FBXL13: variants seen among roughly 807,000 people sequenced by gnomAD.
FBXL13 encodes F-box and leucine rich repeat protein 13, also known as F-box and leucine-rich repeat protein 13.
A neutral mutation model predicts 83.6 loss-of-function variants in FBXL13; 67 were observed. That is an observed-to-expected ratio of 0.80 (90% CI 0.66 to 0.98). FBXL13 has a LOEUF of 0.98. Among genes scored for constraint, FBXL13 ranks in the 50% least tolerant of loss-of-function variants. The pLI is 0.00. For synonymous variants in FBXL13, 272 were observed against 299.5 expected (o/e 0.91, Z 0.95); for missense variants, 822 against 866.5 (o/e 0.95, Z 0.64).
At chr7:102,986,703 G>A (rs1268546464) in intron 6 of FBXL13, among the ~76,000 whole-genome samples, 2 of 152,116 alleles carry the variant, frequency 1.3e-5, no homozygotes, top group Non-Finnish European at 2.9e-5. Context: ...TTAAATGGGT[G>A]GGGACATGCA....
intron 8 of FBXL13, chr7:102,942,350 T>C (rs757365863): frequency 8.3e-6 from 13 of 1,560,942 alleles, no homozygotes; most frequent in Middle Eastern, 1.7e-4. Flanking sequence ...GTGGTAAGTA[T>C]ACAAATGCAG....
At chr7:102,976,526 G>C (rs1210638976) in intron 6 of FBXL13, among the ~76,000 whole-genome samples, 2 of 152,042 alleles carry the variant, frequency 1.3e-5, no homozygotes, top group Non-Finnish European at 2.9e-5. Flanking sequence ...CCCCTCTGGG[G>C]CTTCTTTCTT....
intron 6 of FBXL13, among the ~76,000 whole-genome samples, chr7:103,019,027 G>C (rs565705141): frequency 5.3e-5 from 8 of 151,232 alleles, no homozygotes; most frequent in Admixed American, 4.6e-4. Context: ...TACATTCTTC[G>C]CAGCACCACA....
At chr7:102,814,010 G>T (rs1364030115) in intron 19 of FBXL13, among the ~76,000 whole-genome samples, 1 of 151,976 alleles carries the variant, frequency 6.6e-6, no homozygotes, top group Non-Finnish European at 1.5e-5. Context: ...ATGCAGTTTT[G>T]TCTATAATAC....
intron 6 of FBXL13, among the ~76,000 whole-genome samples, chr7:102,992,165 A>C (rs1829643003): frequency 6.6e-6 from 1 of 152,134 alleles, no homozygotes; most frequent in Non-Finnish European, 1.5e-5. Context: ...AGAACAGTGA[A>C]GGGAGAAAAA....
chr7:103,046,720 T>C (rs1295447875), intron 2 of FBXL13: 1 of 152,204 alleles, frequency 6.6e-6, no homozygotes, highest in Non-Finnish European at 1.5e-5. Flanking sequence ...CTCACAATAG[T>C]AGATGTCTTG....
In FBXL13 at chr7:102,918,488, T is replaced by C. The variant is rs545369958; in HGVS notation, c.879-5273A>G. Among the ~76,000 whole-genome samples, 24 of 152,262 alleles carry C rather than the reference T, an allele frequency of 1.6e-4. 1 individual carries two copies. In the South Asian group the frequency reaches 3.3e-3, roughly 21 times the overall value. Reference sequence around the variant, plus strand: ...CAATGTATGATTGAAAATAAATATGTTTTAAGTTAAAAAATAATTTGTAAT... The same window carrying C: ...CAATGTATGATTGAAAATAAATATGCTTTAAGTTAAAAAATAATTTGTAAT... On this transcript the variant is annotated intron_variant, in intron 10 of 19. Coordinates refer to ENST00000313221, the Ensembl canonical transcript of FBXL13.
chr7:102,893,981 A>T (rs1204148352), intron 11 of FBXL13, among the ~76,000 whole-genome samples: 1 of 117,274 alleles, frequency 8.5e-6, no homozygotes, highest in Non-Finnish European at 1.7e-5. Context: ...AAAGAAAGAA[A>T]GAGGAAAGAA....
chr7:102,858,331 A>C (rs1386901228), intron 16 of FBXL13, among the ~76,000 whole-genome samples: 1 of 152,224 alleles, frequency 6.6e-6, no homozygotes, highest in African/African-American at 2.4e-5. Context: ...TTACAAAATT[A>C]TAGTTTAATA....
chr7:102,835,898 C>T (rs1331645576), intron 17 of FBXL13, among the ~76,000 whole-genome samples: 2 of 152,146 alleles, frequency 1.3e-5, no homozygotes, highest in South Asian at 2.1e-4. Context: ...CGTGAGCCAC[C>T]GCGCCCGGCC....
At chr7:102,831,431 A>ACACACACACCCCCCC (rs1033135095) in intron 18 of FBXL13, among the ~76,000 whole-genome samples, 1 of 147,126 alleles carries the variant, frequency 6.8e-6, no homozygotes, top group African/African-American at 2.5e-5. Flanking sequence ...ACACACACAC[A>ACACACACACCCCCCC]CCCCACTACA....
chr7:103,067,661 A>G (rs1302335498), intron 1 of FBXL13, among the ~76,000 whole-genome samples: 1 of 152,216 alleles, frequency 6.6e-6, no homozygotes, highest in South Asian at 2.1e-4. Flanking sequence ...GCCAGCATCA[A>G]CTGCCAGGCA....
chr7:102,861,564 CTT>C (rs1806835989), intron 16 of FBXL13, among the ~76,000 whole-genome samples: 1 of 152,162 alleles, frequency 6.6e-6, no homozygotes, highest in African/African-American at 2.4e-5. Flanking sequence ...ATATTTACCC[CTT>C]TTTATTTAAA....
At chr7:102,918,903 C>T (rs79328714) in intron 10 of FBXL13, among the ~76,000 whole-genome samples, 2,653 of 152,170 alleles carry the variant, frequency 0.017, 119 homozygotes, top group East Asian at 0.16. Flanking sequence ...CATATATATA[C>T]ACATACACAC....
chr7:103,005,003 T>C (rs1439770124), intron 6 of FBXL13, among the ~76,000 whole-genome samples: 2 of 152,184 alleles, frequency 1.3e-5, no homozygotes, highest in South Asian at 4.1e-4. Context: ...GTCCTAGACC[T>C]CCAGGTATGA....
In FBXL13 at chr7:103,027,530, G is replaced by A. The variant is rs1305471027; in HGVS notation, c.246C>T (p.Ile82=). 10 of 1,612,306 alleles carry A rather than the reference G, an allele frequency of 6.2e-6. No homozygotes were observed. The Admixed American group carries it at 1.7e-4, about 27-fold the overall frequency. The change falls in exon 5 of 20, where the codon ATC becomes ATT. Residue 82 remains isoleucine (I), a synonymous_variant. Coordinates refer to ENST00000313221, the Ensembl canonical transcript of FBXL13. ...GGATAATGGTTAGCTTGTGACAATA[G>A]ATGATCTGTTGTATCCGCAATAGAA...
At chr7:102,850,003 G>T (rs1219002978) in intron 17 of FBXL13, among the ~76,000 whole-genome samples, 1 of 149,236 alleles carries the variant, frequency 6.7e-6, no homozygotes, top group East Asian at 1.9e-4. Flanking sequence ...GTTTTGTTTT[G>T]TTTTTTTAGA....
intron 1 of FBXL13, among the ~76,000 whole-genome samples, chr7:103,064,654 G>A (rs543626659): frequency 2.8e-4 from 42 of 152,258 alleles, no homozygotes; most frequent in South Asian, 2.1e-4. Flanking sequence ...CATCCTCCAT[G>A]TTCTTTTTGC....
chr7:103,068,941 A>G (rs1798650188), intron 1 of FBXL13, among the ~76,000 whole-genome samples: 1 of 152,210 alleles, frequency 6.6e-6, no homozygotes, highest in Non-Finnish European at 1.5e-5. Flanking sequence ...TTTAAAGTTG[A>G]GGGCCCACGG....
Sources: gnomAD v4.1 joint callset for allele counts (sites outside exome capture counted in the v4.1 genomes callset) on GRCh38, gnomAD v4.1.1 for gene constraint, MANE v1.5 for transcripts, NCBI Gene and HGNC (gene_info 2026-07-23, HGNC 2026-07-21) for gene names.